HSPA4L: variants seen among roughly 807,000 people sequenced by gnomAD.
HSPA4L encodes the protein heat shock 70 kDa protein 4L.
A neutral mutation model predicts 100.3 loss-of-function variants in HSPA4L; 48 were observed. The ratio of observed to expected loss-of-function variants is 0.48; its 90% CI spans 0.38 to 0.61. The LOEUF is 0.61. Ranked by LOEUF, HSPA4L falls within the 20% of genes least tolerant of loss-of-function variation. HSPA4L has a pLI of 0.00. For missense variants in HSPA4L, 886 were observed against 988.6 expected (o/e 0.90, Z 1.39); for synonymous variants, 319 against 328.2 (o/e 0.97, Z 0.30).
chr4:127,794,741 C>A (rs1179228771), intron 2 of HSPA4L, among the ~76,000 whole-genome samples: 1 of 151,952 alleles, frequency 6.6e-6, no homozygotes, highest in Non-Finnish European at 1.5e-5. Context: ...TCTGGCTGAC[C>A]TTCTAAGTGT....
At chr4:127,800,747 T>C (rs1021081344) in intron 4 of HSPA4L, among the ~76,000 whole-genome samples, 2 of 152,202 alleles carry the variant, frequency 1.3e-5, no homozygotes, top group African/African-American at 4.8e-5. Flanking sequence ...CCTGATTCTT[T>C]GTAACAGCTA....
chr4:127,823,761 C>T (rs556842888), intron 16 of HSPA4L, 137 bp downstream of exon 16: 1 of 591,894 alleles, frequency 1.7e-6, no homozygotes, highest in East Asian at 2.9e-5. Flanking sequence ...TGGTGTACGA[C>T]ATGTTTTGAT....
intron 12 of HSPA4L, 70 bp from the exon 13 acceptor site, chr4:127,818,255 G>A: frequency 9.9e-7 from 1 of 1,010,908 alleles, no homozygotes; most frequent in Non-Finnish European, 1.5e-6. Context: ...GAACTCTTAA[G>A]ATGCAGTTTA....
At chr4:127,823,447 C>G in intron 15 of HSPA4L, 70 bp from the exon 16 acceptor site, 1 of 1,097,446 alleles carries the variant, frequency 9.1e-7, no homozygotes, top group South Asian at 1.3e-5. Flanking sequence ...CTGCACTGCA[C>G]TGAGCCCAAT....
intron 16 of HSPA4L, among the ~76,000 whole-genome samples, chr4:127,824,129 A>G (rs747615052): frequency 4.3e-4 from 65 of 152,222 alleles, no homozygotes; most frequent in Non-Finnish European, 3.8e-4. Context: ...TTCACTTAGC[A>G]TAATGTCCTC....
intron 1 of HSPA4L, among the ~76,000 whole-genome samples, chr4:127,787,261 CTG>C (rs1365195823): frequency 3.9e-5 from 6 of 152,234 alleles, no homozygotes; most frequent in Admixed American, 2.6e-4. Flanking sequence ...GGGGGGTTAA[CTG>C]TGGCTATAAT....
chr4:127,787,296 G>A (rs1388574107), intron 1 of HSPA4L, among the ~76,000 whole-genome samples: 1 of 152,142 alleles, frequency 6.6e-6, no homozygotes, highest in Non-Finnish European at 1.5e-5. Context: ...TCTGGTGATG[G>A]CAGTTTGGGA....
chr4:127,800,597 C>A (rs1733148930), intron 4 of HSPA4L, among the ~76,000 whole-genome samples: 1 of 152,044 alleles, frequency 6.6e-6, no homozygotes, highest in African/African-American at 2.4e-5. Flanking sequence ...ATATAGTTCC[C>A]CTCCTTTGAA....
At chr4:127,793,457 T>G (rs1732931958) in intron 1 of HSPA4L, among the ~76,000 whole-genome samples, 1 of 152,236 alleles carries the variant, frequency 6.6e-6, no homozygotes, top group African/African-American at 2.4e-5. Flanking sequence ...AAACATTTTC[T>G]TGAATCATAA....
intron 1 of HSPA4L, among the ~76,000 whole-genome samples, chr4:127,786,776 T>C (rs1732730512): frequency 6.6e-6 from 1 of 152,226 alleles, no homozygotes; most frequent in Non-Finnish European, 1.5e-5. Context: ...CAGTAATTCT[T>C]TTAAGTTATG....
chr4:127,782,561 T>G lies in HSPA4L; in HGVS notation c.11T>G (p.Val4Gly), dbSNP rs771638549. 1 of 1,614,066 alleles carries G rather than the reference T, an allele frequency of 6.2e-7. No homozygotes were observed. Among genetic ancestry groups the G allele is most frequent in the Admixed American group, 1.7e-5 (1 of 60,008 alleles). The change falls in exon 1 of 19, where the codon GTT becomes GGT. Residue 4 changes from valine to glycine, a missense_variant. Physicochemically the swap from Val to Gly is moderately radical, Grantham distance 109 (BLOSUM62 -3). Coordinates refer to ENST00000296464, the MANE Select transcript of HSPA4L (RefSeq NM_014278.4). ...CCATCACGCGGCGGGATGTCTGTGG[T>G]TGGCATTGACCTCGGCTTTCTCAAC... Reference protein sequence around the residue: MSVVGIDLGFLNCY... With the variant: MSVGGIDLGFLNCY...
rs150262621 is a variant in HSPA4L at position 127,832,775 on chromosome 4, T to C, written c.2421T>C (p.Asn807=). Reference sequence around the variant, plus strand: ...AACCAAAAGCTAATAGTGAACACAATGGCCCAATGGATGGACAGAGTGGAA... The same window carrying C: ...AACCAAAAGCTAATAGTGAACACAACGGCCCAATGGATGGACAGAGTGGAA... ...EDKPKANSEH[N]GPMDGQSGTE... is the part of the protein sequence containing the mutation. The change falls in exon 19 of 19, where the codon AAT becomes AAC. Residue 807 remains asparagine, a synonymous_variant. Coordinates refer to ENST00000296464, the MANE Select transcript of HSPA4L (RefSeq NM_014278.4). 4.0e-3 allele frequency: 6,506 copies of C among 1,613,744 alleles called. 15 individuals carry two copies. Among genetic ancestry groups the C allele is most frequent in the Non-Finnish European group, 5.1e-3 (6,018 of 1,179,764 alleles).
chr4:127,809,384 T>G (rs1733462904), intron 11 of HSPA4L: 1 of 1,214,310 alleles, frequency 8.2e-7, no homozygotes, highest in Admixed American at 1.7e-5. Context: ...CTTTGCAGCA[T>G]GCTCATGCAC....
At position 127,839,452 on chromosome 4, in the gene HSPA4L, G is replaced by A. The variant is rs1734311548; in HGVS notation, c.*6578G>A. On this transcript the variant is annotated 3_prime_UTR_variant, in exon 19 of 19. Coordinates refer to ENST00000296464, the MANE Select transcript of HSPA4L (RefSeq NM_014278.4). ...AAATACAAAAAATTAGCTGGGTGTG[G>A]TGGTGTGTGCCTGTAGTCCCAGCTA... 1 of 152,268 alleles carries A rather than the reference G, an allele frequency of 6.6e-6. No homozygotes were observed. The highest frequency in any genetic ancestry group is 6.6e-5 in the Admixed American group (1 of 15,266). 9.4% of individuals were successfully genotyped at this position (152,268 alleles called of 1,614,324 possible). A position where few individuals can be genotyped will look rare whatever the true frequency, so the allele number is the denominator to read the frequency against.
intron 17 of HSPA4L, among the ~76,000 whole-genome samples, chr4:127,828,559 A>G (rs997078752): frequency 5.3e-5 from 8 of 152,104 alleles, no homozygotes; most frequent in Non-Finnish European, 1.0e-4. Flanking sequence ...CAGCAACTAT[A>G]CTGCTTTCCA....
rs1361167491 is a variant in HSPA4L at position 127,834,852 on chromosome 4, AT to A, written c.*1982del. The stretch of plus-strand genomic sequence containing the variant: ...TCTAAATTTTCTAGTATATCCTGAC[AT>A]TTTCCATTCCTGCTCTGAAGTCACT... On this transcript the variant is annotated 3_prime_UTR_variant, in exon 19 of 19. Coordinates refer to ENST00000296464, the MANE Select transcript of HSPA4L (RefSeq NM_014278.4). 3.9e-5 allele frequency: 6 copies of A among 152,116 alleles called. No homozygotes were observed. Among genetic ancestry groups the A allele is most frequent in the Non-Finnish European group, 7.4e-5 (5 of 67,984 alleles). The allele number at this position is 152,116 out of a possible 1,614,324, so 9.4% of individuals were successfully genotyped here.
intron 11 of HSPA4L, among the ~76,000 whole-genome samples, chr4:127,810,927 T>C (rs1320141450): frequency 6.6e-6 from 1 of 152,170 alleles, no homozygotes; most frequent in African/African-American, 2.4e-5. Context: ...TTTAGAGAAA[T>C]AAAACATCAG....
At chr4:127,829,882 C>G (rs1734036880) in intron 17 of HSPA4L, among the ~76,000 whole-genome samples, 2 of 151,550 alleles carry the variant, frequency 1.3e-5, no homozygotes, top group African/African-American at 4.9e-5. Flanking sequence ...AATGTGGCGA[C>G]CTAGAAACTG....
chr4:127,820,785 C>A (rs1481089891), intron 14 of HSPA4L, among the ~76,000 whole-genome samples: 3 of 152,052 alleles, frequency 2.0e-5, no homozygotes, highest in African/African-American at 7.2e-5. Flanking sequence ...GTATTGCCTC[C>A]TCTATAGAGA....
Sources: gnomAD v4.1 joint callset for allele counts (sites outside exome capture counted in the v4.1 genomes callset) on GRCh38, gnomAD v4.1.1 for gene constraint, MANE v1.5 for transcripts, NCBI Gene and HGNC (gene_info 2026-07-23, HGNC 2026-07-21) for gene names.